The following SAMMSON variants were observed in gnomAD, a reference collection of about 807,000 sequenced individuals.
The protein encoded by SAMMSON is survival associated mitochondrial melanoma specific oncogenic non-coding RNA.
At chr3:70,188,741 A>G (rs1425187749) in intron 4 of SAMMSON, among the ~76,000 whole-genome samples, 6 of 152,200 alleles carry the variant, frequency 3.9e-5, no homozygotes, top group African/African-American at 9.6e-5. Flanking sequence ...ACTCCTCACA[A>G]TGACCCAATA....
intron 4 of SAMMSON, among the ~76,000 whole-genome samples, chr3:70,209,730 C>T (rs1260493991): frequency 6.6e-6 from 1 of 152,080 alleles, no homozygotes; most frequent in Non-Finnish European, 1.5e-5. Context: ...TCTCTCCTTC[C>T]TAACTGCTGA....
At chr3:70,086,048 G>A (rs1382387577) in intron 4 of SAMMSON, among the ~76,000 whole-genome samples, 1 of 152,236 alleles carries the variant, frequency 6.6e-6, no homozygotes, top group Non-Finnish European at 1.5e-5. Flanking sequence ...ATTTATCACA[G>A]TCACTGTATT....
intron 6 of SAMMSON, among the ~76,000 whole-genome samples, chr3:70,282,184 A>C (rs1339344194): frequency 1.3e-5 from 2 of 152,138 alleles, no homozygotes; most frequent in African/African-American, 4.8e-5. Context: ...GGATGCAGTA[A>C]TCAAAAAACC....
intron 6 of SAMMSON, among the ~76,000 whole-genome samples, chr3:70,256,850 C>T (rs1701821258): frequency 6.6e-6 from 1 of 152,154 alleles, no homozygotes; most frequent in Admixed American, 6.6e-5. Flanking sequence ...TCACCTATGT[C>T]TGCAACTAGA....
rs927943530 is a variant in SAMMSON, at chr3:70,165,185, T to A, written n.508-83922T>A. Among the ~76,000 whole-genome samples, 2 of 152,000 alleles carry A rather than the reference T, an allele frequency of 1.3e-5. 1 individual carries two copies. Among genetic ancestry groups the A allele is most frequent in the Non-Finnish European group, 2.9e-5 (2 of 67,964 alleles). On this transcript the variant is annotated intron_variant and non_coding_transcript_variant, in intron 4 of 9. Transcript: ENST00000642114. ...ACAAATCTCTTAATTAGGATGTAAT[T>A]TGTGTCAATTATATAATCATTTTCT...
intron 6 of SAMMSON, among the ~76,000 whole-genome samples, chr3:70,269,365 A>G (rs1423942874): frequency 6.6e-6 from 1 of 152,176 alleles, no homozygotes; most frequent in Non-Finnish European, 1.5e-5. Flanking sequence ...ACCTGTCTGG[A>G]TACATAGACA....
At chr3:70,215,138 C>T (rs1701393884) in intron 4 of SAMMSON, among the ~76,000 whole-genome samples, 1 of 152,090 alleles carries the variant, frequency 6.6e-6, no homozygotes, top group Admixed American at 6.6e-5. Flanking sequence ...CTTAAAGTCT[C>T]TTATGTGCAT....
At chr3:70,235,687 G>A (rs1178966326) in intron 4 of SAMMSON, among the ~76,000 whole-genome samples, 1 of 152,186 alleles carries the variant, frequency 6.6e-6, no homozygotes, top group African/African-American at 2.4e-5. Flanking sequence ...TCTGCACAAT[G>A]TGTAAGGGTT....
Position 70,148,246 on chromosome 3 carries a change from C to G in SAMMSON, n.507+76681C>G, listed in dbSNP as rs151271209. Among the ~76,000 whole-genome samples, 503 of 152,200 alleles carry G rather than the reference C, an allele frequency of 3.3e-3. 4 individuals carry two copies. Among genetic ancestry groups the G allele is most frequent in the African/African-American group, 0.011 (470 of 41,542 alleles). ...CAGTGGTTTCCAGTAAAGTTAAATACACACTTATATAACCTAGCTATTCCC... is the reference window on the plus strand; with the variant it reads ...CAGTGGTTTCCAGTAAAGTTAAATAGACACTTATATAACCTAGCTATTCCC... On this transcript the variant is annotated intron_variant and non_coding_transcript_variant, in intron 4 of 9. Coordinates refer to ENST00000642114, the Ensembl canonical transcript of SAMMSON.
chr3:70,298,243 G>T (rs1290330934), intron 7 of SAMMSON, among the ~76,000 whole-genome samples: 1 of 152,006 alleles, frequency 6.6e-6, no homozygotes, highest in Non-Finnish European at 1.5e-5. Context: ...GATCATAGTT[G>T]ATTCTGCCAC....
chr3:70,423,872 A>C (rs1305169019), intron 2 of SAMMSON, among the ~76,000 whole-genome samples: 11 of 152,198 alleles, frequency 7.2e-5, no homozygotes, highest in Non-Finnish European at 1.3e-4. Flanking sequence ...AATGGGCAAA[A>C]GAGATTACTA....
At chr3:70,056,478 T>C (rs2067168119) in intron 3 of SAMMSON, among the ~76,000 whole-genome samples, 2 of 152,120 alleles carry the variant, frequency 1.3e-5, no homozygotes, top group Admixed American at 1.3e-4. Flanking sequence ...TTTCTTTTTG[T>C]ACATAGTTAT....
intron 7 of SAMMSON, among the ~76,000 whole-genome samples, chr3:70,308,741 G>A (rs1315670708): frequency 2.6e-5 from 4 of 152,166 alleles, no homozygotes; most frequent in African/African-American, 9.7e-5. Context: ...ACTGAATTGA[G>A]TTGGATAAAT....
intron 4 of SAMMSON, among the ~76,000 whole-genome samples, chr3:70,112,608 G>C (rs901739351): frequency 6.6e-6 from 1 of 152,138 alleles, no homozygotes; most frequent in African/African-American, 2.4e-5. Context: ...CGGATGTATA[G>C]GATGCAAGTG....
intron 3 of SAMMSON, among the ~76,000 whole-genome samples, chr3:70,064,055 T>C (rs755785113): frequency 9.9e-5 from 15 of 152,162 alleles, no homozygotes; most frequent in Admixed American, 3.9e-4. Context: ...GACTAGGTTG[T>C]AAGCTCTCAG....
chr3:70,008,638 C>A (rs1350677464), intron 1 of SAMMSON, among the ~76,000 whole-genome samples: 1 of 152,142 alleles, frequency 6.6e-6, no homozygotes, highest in African/African-American at 2.4e-5. Flanking sequence ...ATTTCTTTCT[C>A]CTTCCTGATT....
intron 4 of SAMMSON, among the ~76,000 whole-genome samples, chr3:70,161,321 G>A (rs1252404404): frequency 6.6e-6 from 1 of 151,910 alleles, no homozygotes; most frequent in East Asian, 1.9e-4. Context: ...ACGTAGATGC[G>A]CTTTATCACA....
chr3:70,118,201 C>T (rs749060465), intron 4 of SAMMSON, among the ~76,000 whole-genome samples: 1 of 152,162 alleles, frequency 6.6e-6, no homozygotes, highest in Non-Finnish European at 1.5e-5. Flanking sequence ...GGATTACAGG[C>T]GTGAGCCACT....
At chr3:70,165,623 A>G (rs2067633756) in intron 4 of SAMMSON, among the ~76,000 whole-genome samples, 1 of 152,020 alleles carries the variant, frequency 6.6e-6, no homozygotes, top group Admixed American at 6.6e-5. Context: ...GACCTAAGAC[A>G]TAGAGGAAGT....
Sources: gnomAD v4.1 joint callset for allele counts (sites outside exome capture counted in the v4.1 genomes callset) on GRCh38, gnomAD v4.1.1 for gene constraint, MANE v1.5 for transcripts, NCBI Gene and HGNC (gene_info 2026-07-23, HGNC 2026-07-21) for gene names.